GFI1: variants seen among roughly 807,000 people sequenced by gnomAD.
GFI1 encodes the protein zinc finger protein Gfi-1.
A neutral mutation model predicts 39.2 loss-of-function variants in GFI1; 15 were observed. The ratio of observed to expected loss-of-function variants is 0.38; its 90% confidence interval spans 0.26 to 0.59. The LOEUF is 0.59. Ranked by LOEUF, GFI1 falls within the 20% of genes least tolerant of loss-of-function variation. GFI1 has a pLI of 0.62. For synonymous variants in GFI1, 239 were observed against 254.3 expected (o/e 0.94, Z 0.57); for missense variants, 475 against 574.0 (o/e 0.83, Z 1.76).
At position 92,480,228 on chromosome 1, in the gene GFI1, G is replaced by A; in HGVS notation, c.924+120C>T. 2 of 1,142,322 alleles carry A rather than the reference G, an allele frequency of 1.8e-6. No homozygotes were observed. Among genetic ancestry groups the A allele is most frequent in the South Asian group, 1.3e-5 (1 of 74,490 alleles). 70.8% of individuals were successfully genotyped at this position (1,142,322 alleles called of 1,614,324 possible). A position where few individuals can be genotyped will look rare whatever the true frequency, so the allele number is the denominator to read the frequency against. ...CAAGGGGACGCAGCGGAGGGCTTGG[G>A]GGAGGAAACTGGGGGAAGTCGAGGA... On this transcript the variant is annotated intron_variant, in intron 5 of 6. Transcript: ENST00000294702. The surrounding 1 kb of genome is among the most constrained non-coding windows in gnomAD (Gnocchi z 5.6).
At position 92,480,515 on chromosome 1, in the gene GFI1, G is replaced by A; in HGVS notation, c.787-30C>T. The stretch of plus-strand genomic sequence containing the variant: ...GGCGGGTGGGGCCAGAGAGAAGGCC[G>A]CTGAGAGGGGCCGCGGGGCGCAGGC... On this transcript the variant is annotated intron_variant, in intron 4 of 6. Transcript: ENST00000294702. This position sits in a 1 kb window ranked among gnomAD's most constrained non-coding sequence, Gnocchi z 5.6. 1.3e-6 allele frequency: 2 copies of A among 1,548,224 alleles called. No homozygotes were observed. Among genetic ancestry groups the A allele is most frequent in the Non-Finnish European group, 1.7e-6 (2 of 1,145,914 alleles).
Position 92,482,852 on chromosome 1 carries a change from G to C in GFI1, c.298+12C>G, listed in dbSNP as rs763637540. On this transcript the variant is annotated intron_variant, in intron 3 of 6. Coordinates refer to ENST00000294702, the MANE Select transcript of GFI1 (RefSeq NM_005263.5). This position sits in a 1 kb window ranked among gnomAD's most constrained non-coding sequence, Gnocchi z 4.4. The stretch of plus-strand genomic sequence containing the variant: ...GCAGCTCCCGCCCAAGAGGTTCCCA[G>C]TGGGTTCCTACCTGGAGACGCGGAG... The C allele has an allele frequency of 1.4e-5, 22 of 1,611,618 alleles. No individual in the cohort carries two copies. In the South Asian group the frequency reaches 2.3e-4, roughly 17 times the overall value.
intron 6 of GFI1, 71 bp from the exon 7 acceptor site, chr1:92,476,278 C>A: frequency 7.0e-7 from 1 of 1,418,938 alleles, no homozygotes; most frequent in East Asian, 2.4e-5. Flanking sequence ...CACTGTGACC[C>A]ACATGCTCTT....
Position 92,475,809 on chromosome 1 carries a change from T to A in GFI1, c.*220A>T. 3.4e-6 allele frequency: 2 copies of A among 586,838 alleles called. No individual in the cohort carries two copies. The highest frequency in any genetic ancestry group is 6.1e-6 in the Non-Finnish European group (2 of 327,366). The allele number at this position is 586,838 out of a possible 1,614,324, so 36.4% of individuals were successfully genotyped here. A position where few individuals can be genotyped will look rare whatever the true frequency, so the allele number is the denominator to read the frequency against. ...TGTGTCCGAAGCCTAGAGAGTCACT[T>A]GGTTCTCACTCTCGGCTGCACTTTG... is the stretch of plus-strand genomic sequence containing the variant. On this transcript the variant is annotated 3_prime_UTR_variant, in exon 7 of 7. Coordinates refer to ENST00000294702, the MANE Select transcript of GFI1 (RefSeq NM_005263.5).
At position 92,475,961 on chromosome 1, in the gene GFI1, G is replaced by GTGGAGGCAAGCAGGGAGCAGAA; in HGVS notation, c.*67_*68insTTCTGCTCCCTGCTTGCCTCCA. 2 of 1,435,050 alleles carry GTGGAGGCAAGCAGGGAGCAGAA rather than the reference G, an allele frequency of 1.4e-6. No homozygotes were observed. The highest frequency in any genetic ancestry group is 2.4e-5 in the South Asian group (2 of 84,398). The allele number at this position is 1,435,050 out of a possible 1,614,324, so 88.9% of individuals were successfully genotyped here. A position where few individuals can be genotyped will look rare whatever the true frequency, so the allele number is the denominator to read the frequency against. ...GGAGTGGAGGCAAGCAGGGAGCAGAGTGGTGGCAAGCAGGGAGGCTGCCCT... is the reference window on the plus strand; with the variant it reads ...GGAGTGGAGGCAAGCAGGGAGCAGAGTGGAGGCAAGCAGGGAGCAGAATGGTGGCAAGCAGGGAGGCTGCCCT... On this transcript the variant is annotated 3_prime_UTR_variant, in exon 7 of 7. Coordinates refer to ENST00000294702, the MANE Select transcript of GFI1 (RefSeq NM_005263.5).
intron 2 of GFI1, 136 bp from the exon 3 acceptor site, chr1:92,483,182 C>A (rs1658361875): frequency 5.7e-6 from 5 of 873,574 alleles, no homozygotes; most frequent in South Asian, 1.7e-5. Context: ...GGAACCCTCT[C>A]GGATCCGAGG....
chr1:92,478,573 G>A lies in GFI1; in HGVS notation c.1090+15C>T, dbSNP rs1286811236. On this transcript the variant is annotated intron_variant, in intron 6 of 6. Coordinates refer to ENST00000294702, the MANE Select transcript of GFI1 (RefSeq NM_005263.5). ...TCAGGGTGTTTCCTACAAGCCAAGG[G>A]CCTTTTTAGCTCACCAGTGTGGATG... The A allele has an allele frequency of 6.2e-7, 1 of 1,612,302 alleles. No homozygotes were observed. The highest frequency in any genetic ancestry group is 8.5e-7 in the Non-Finnish European group (1 of 1,178,404).
Position 92,483,555 on chromosome 1 carries a change from G to A in GFI1, c.-68C>T. The A allele has an allele frequency of 1.1e-6, 1 of 913,022 alleles. No homozygotes were observed. Among genetic ancestry groups the A allele is most frequent in the Non-Finnish European group, 1.8e-6 (1 of 561,236 alleles). The allele number at this position is 913,022 out of a possible 1,614,324, so 56.6% of individuals were successfully genotyped here. On this transcript the variant is annotated 5_prime_UTR_variant, in exon 2 of 7. Transcript: ENST00000294702. ...AGCCGCTGTCACCCACGGTCACTCCGAGGGCTTGCTCAGCCCCAGCCCGGA... is the reference window on the plus strand; with the variant it reads ...AGCCGCTGTCACCCACGGTCACTCCAAGGGCTTGCTCAGCCCCAGCCCGGA...
rs2101549200 is a variant in GFI1 at position 92,474,645 on chromosome 1, T to C, written c.*1384A>G. The stretch of plus-strand genomic sequence containing the variant: ...AATTGGATTTTACTCTTCTGGATAT[T>C]AGCTTGTGTGCTTCACTTTTATACT... On this transcript the variant is annotated 3_prime_UTR_variant, in exon 7 of 7. Coordinates refer to ENST00000294702, the MANE Select transcript of GFI1 (RefSeq NM_005263.5). 6.5e-6 allele frequency: 1 copy of C among 152,774 alleles called. No homozygotes were observed. The highest frequency in any genetic ancestry group is 1.9e-4 in the East Asian group (1 of 5,186). 9.5% of individuals were successfully genotyped at this position (152,774 alleles called of 1,614,324 possible).
At chr1:92,478,975 C>T (rs1322678845) in intron 5 of GFI1, among the ~76,000 whole-genome samples, 3 of 152,176 alleles carry the variant, frequency 2.0e-5, no homozygotes, top group Non-Finnish European at 4.4e-5. Context: ...AAGCAATTCT[C>T]GTGTCTCAGC....
rs55814509 is a variant in GFI1 at position 92,473,177 on chromosome 1, CAAAAAAAA to C, written c.*2844_*2851del. On this transcript the variant is annotated 3_prime_UTR_variant, in exon 7 of 7. Transcript: ENST00000294702. ...GGGGATATCAAGATACATTTTTTACCAAAAAAAAAAAAAAAAGGCATACAGTTAACATC... is the reference window on the plus strand; with the variant it reads ...GGGGATATCAAGATACATTTTTTACCAAAAAAAAGGCATACAGTTAACATC... Among the ~76,000 whole-genome samples the C allele has an allele frequency of 2.8e-5, 3 of 108,990 alleles. No homozygotes were observed. The highest frequency in any genetic ancestry group is 5.9e-5 in the Non-Finnish European group (3 of 51,042). The allele number at this position is 108,990 out of a possible 152,430, so 71.5% of individuals were successfully genotyped here.
chr1:92,477,885 T>C (rs1295679211), intron 6 of GFI1, among the ~76,000 whole-genome samples: 1 of 152,154 alleles, frequency 6.6e-6, no homozygotes, highest in Non-Finnish European at 1.5e-5. Flanking sequence ...ACTCTGAACA[T>C]AAAATACAAT....
chr1:92,480,579 G>A lies in GFI1; in HGVS notation c.786+22C>T. The A allele has an allele frequency of 6.5e-7, 1 of 1,541,184 alleles. No homozygotes were observed. Among genetic ancestry groups the A allele is most frequent in the South Asian group, 1.2e-5 (1 of 84,130 alleles). ...GGGAAGCGGGCGCACGGCAGGCGAG[G>A]TGGTGAGCTCGGGAGCCTCACCTTG... On this transcript the variant is annotated intron_variant, in intron 4 of 6. Coordinates refer to ENST00000294702, the MANE Select transcript of GFI1 (RefSeq NM_005263.5). This position sits in a 1 kb window ranked among gnomAD's most constrained non-coding sequence, Gnocchi z 5.6.
Position 92,481,343 on chromosome 1 carries a change from G to A in GFI1, c.299-255C>T, listed in dbSNP as rs1337579710. Among the ~76,000 whole-genome samples, 2 of 152,232 alleles carry A rather than the reference G, an allele frequency of 1.3e-5. No homozygotes were observed. Among genetic ancestry groups the A allele is most frequent in the Non-Finnish European group, 2.9e-5 (2 of 68,044 alleles). ...CGGGAGAGGAGGTCGTAAATTCTGT[G>A]CGAGTGCAGCGGAGGCGCTCGGCGT... On this transcript the variant is annotated intron_variant, in intron 3 of 6. Transcript: ENST00000294702. The surrounding 1 kb of genome is among the most constrained non-coding windows in gnomAD (Gnocchi z 4.3).
Position 92,475,623 on chromosome 1 carries a change from C to A in GFI1, c.*406G>T. On this transcript the variant is annotated 3_prime_UTR_variant, in exon 7 of 7. Coordinates refer to ENST00000294702, the MANE Select transcript of GFI1 (RefSeq NM_005263.5). The stretch of plus-strand genomic sequence containing the variant: ...TTGTAAATGGTGATTCCTCCTCTTC[C>A]ACACAAATATCTGGGGTAGGTCAAG... 2 of 249,030 alleles carry A rather than the reference C, an allele frequency of 8.0e-6. No individual in the cohort carries two copies. Among genetic ancestry groups the A allele is most frequent in the East Asian group, 9.7e-5 (1 of 10,262 alleles). 15.4% of individuals were successfully genotyped at this position (249,030 alleles called of 1,614,324 possible).
intron 1 of GFI1, among the ~76,000 whole-genome samples, chr1:92,485,170 C>T (rs976227413): frequency 2.6e-5 from 4 of 152,320 alleles, no homozygotes; most frequent in Admixed American, 1.3e-4. Context: ...TTCCCGCTAC[C>T]CAAGCGCCAG....
rs1369396522 is a variant in GFI1, at chr1:92,482,444, C to A, written c.298+420G>T. On this transcript the variant is annotated intron_variant, in intron 3 of 6. Transcript: ENST00000294702. This position sits in a 1 kb window ranked among gnomAD's most constrained non-coding sequence, Gnocchi z 4.4. ...GTCCTGCCCCCTCCCTGCCGCCCAG[C>A]GCCTAGCTCCTCTGCCTGGCCCGTT... Among the ~76,000 whole-genome samples, 2 of 152,184 alleles carry A rather than the reference C, an allele frequency of 1.3e-5. No individual in the cohort carries two copies. The highest frequency in any genetic ancestry group is 2.9e-5 in the Non-Finnish European group (2 of 68,036).
chr1:92,482,870 A>T lies in GFI1; in HGVS notation c.292T>A (p.Ser98Thr). 6.2e-7 allele frequency: 1 copy of T among 1,613,636 alleles called. No individual in the cohort carries two copies. Among genetic ancestry groups the T allele is most frequent in the Non-Finnish European group, 8.5e-7 (1 of 1,179,692 alleles). Reference sequence around the variant, plus strand: ...GTTCCCAGTGGGTTCCTACCTGGAGACGCGGAGGGTGACGGGGGCCTCCAG... The same window carrying T: ...GTTCCCAGTGGGTTCCTACCTGGAGTCGCGGAGGGTGACGGGGGCCTCCAG... ...DFWRPPSPSA[S>T]PASEKSMCPS... Residue 98 changes from serine (S) to threonine (T), a missense_variant, in exon 3 of 7, where the codon TCT (serine) becomes ACT (threonine). Transcript: ENST00000294702. This position sits in a 1 kb window ranked among gnomAD's most constrained non-coding sequence, Gnocchi z 4.4.
At position 92,480,628 on chromosome 1, in the gene GFI1, G is replaced by A. The variant is rs369149637; in HGVS notation, c.759C>T (p.Gly253=). ...TGCTGCACTTGATGCACTTGTAGGA[G>A]CCGCCGCCCAGCAGCAGGCGGGTGC... ...LLCTRLLLGG[G]SYKCIKCSKV... is the part of the protein sequence containing the mutation. Residue 253 remains glycine, a synonymous_variant, in exon 4 of 7, where the codon GGC becomes GGT. Transcript: ENST00000294702. This position sits in a 1 kb window ranked among gnomAD's most constrained non-coding sequence, Gnocchi z 5.6. 4.3e-5 allele frequency: 68 copies of A among 1,576,710 alleles called. 1 individual carries two copies. The African/African-American group carries it at 7.4e-4, about 17-fold the overall frequency.
Sources: allele counts gnomAD v4.1 joint callset (sites outside exome capture counted in the v4.1 genomes callset), GRCh38; gene constraint gnomAD v4.1.1; non-coding constraint Gnocchi (gnomAD v3.1); transcripts MANE v1.5; gene names NCBI Gene and HGNC (gene_info 2026-07-23, HGNC 2026-07-21).